The following VLDLR variants were observed in gnomAD, a reference collection of about 807,000 sequenced individuals.
VLDLR encodes very low density lipoprotein receptor.
VLDLR carries 81 observed loss-of-function variants against 112.7 expected under a neutral mutation model. The ratio of observed to expected loss-of-function variants is 0.72; its 90% CI spans 0.60 to 0.86. VLDLR has a LOEUF of 0.86. VLDLR is among the 40% of genes least tolerant of loss of function. The pLI, the probability that VLDLR is intolerant of heterozygous loss-of-function variation, is 0.00. For synonymous variants in VLDLR, 436 were observed against 384.8 expected, an observed-to-expected ratio of 1.13 and a Z score of -1.56; for missense variants, 1,237 against 1,099.4, an observed-to-expected ratio of 1.13 and a Z score of -1.77.
At chr9:2,622,300 G>C in intron 1 of VLDLR, 29 bp downstream of exon 1, 1 of 1,446,166 alleles carries the variant, frequency 6.9e-7, no homozygotes, top group Non-Finnish European at 9.1e-7. Context: ...CTCCGCCGGC[G>C]GGCGGGACCC....
At position 2,623,531 on chromosome 9, in the gene VLDLR, G is replaced by A. The variant is rs1816937647; in HGVS notation, c.82+1260G>A. Among the ~76,000 whole-genome samples, 15 of 152,386 alleles carry A rather than the reference G, an allele frequency of 9.8e-5. No individual in the cohort carries two copies. The South Asian group carries it at 3.1e-3, about 32-fold the overall frequency. On this transcript the variant is annotated intron_variant, in intron 1 of 18. Transcript: ENST00000382100. ...AGCGAACTTTAAAGCATGTGGTCAAGGAGCCTGTCGGGCAGCGCCTGGGGT... is the reference window on the plus strand; with the variant it reads ...AGCGAACTTTAAAGCATGTGGTCAAAGAGCCTGTCGGGCAGCGCCTGGGGT...
chr9:2,650,422 C>G lies in VLDLR; in HGVS notation c.2157C>G (p.Cys719Trp), dbSNP rs138593492. 2 of 1,613,898 alleles carry G rather than the reference C, an allele frequency of 1.2e-6. No individual in the cohort carries two copies. Among genetic ancestry groups the G allele is most frequent in the Non-Finnish European group, 1.7e-6 (2 of 1,180,010 alleles). ...AGAATGGAGGATGTGAATACCTATG[C>G]CTGCCAGCACCACAGATTAATGATC... ...DMENGGCEYLCLPAPQINDHS... is the reference protein window; with the variant it reads ...DMENGGCEYLWLPAPQINDHS... Residue 719 changes from cysteine to tryptophan, a missense_variant, in exon 15 of 19, where the codon TGC becomes TGG. Physicochemically the swap from Cys to Trp is radical, Grantham distance 215. Coordinates refer to ENST00000382100, the MANE Select transcript of VLDLR (RefSeq NM_003383.5).
intron 1 of VLDLR, among the ~76,000 whole-genome samples, chr9:2,632,132 T>C (rs1817375959): frequency 6.6e-6 from 1 of 152,184 alleles, no homozygotes; most frequent in South Asian, 2.1e-4. Context: ...AGCAGAGATA[T>C]TCTAAGGATT....
At chr9:2,633,493 T>C (rs1817460971) in intron 1 of VLDLR, among the ~76,000 whole-genome samples, 1 of 152,158 alleles carries the variant, frequency 6.6e-6, no homozygotes, top group Non-Finnish European at 1.5e-5. Flanking sequence ...AAACTATCAA[T>C]TGACATTGAC....
chr9:2,641,129 C>T (rs2130787536), intron 3 of VLDLR, among the ~76,000 whole-genome samples: 2 of 152,352 alleles, frequency 1.3e-5, no homozygotes, highest in South Asian at 2.1e-4. Context: ...CAGAACTGAG[C>T]ACGCCATGGG....
chr9:2,623,830 G>C (rs1315109058), intron 1 of VLDLR, among the ~76,000 whole-genome samples: 1 of 152,174 alleles, frequency 6.6e-6, no homozygotes, highest in African/African-American at 2.4e-5. Context: ...GGAATCTGAT[G>C]TGTAACAAGC....
chr9:2,634,343 G>A (rs1215819970), intron 1 of VLDLR, among the ~76,000 whole-genome samples: 1 of 152,214 alleles, frequency 6.6e-6, no homozygotes, highest in African/African-American at 2.4e-5. Flanking sequence ...AAAGGTGGCA[G>A]GAAATCGGAA....
Position 2,652,775 on chromosome 9 carries a change from T to G in VLDLR, c.2417-5T>G. Reference sequence around the variant, plus strand: ...CTCACTTAGCTACCCTCTGATTTTTTTCAGTGCTCTTAGTGATGGCAGCAG... The same window carrying G: ...CTCACTTAGCTACCCTCTGATTTTTGTCAGTGCTCTTAGTGATGGCAGCAG... On this transcript the variant is annotated splice_polypyrimidine_tract_variant and splice_region_variant and intron_variant, in intron 17 of 18. Transcript: ENST00000382100. 2 of 1,614,144 alleles carry G rather than the reference T, an allele frequency of 1.2e-6. No homozygotes were observed. The highest frequency in any genetic ancestry group is 1.7e-6 in the Non-Finnish European group (2 of 1,179,986).
intron 9 of VLDLR, 152 bp from the exon 10 acceptor site, chr9:2,645,422 C>CT (rs1818024647): frequency 1.0e-6 from 1 of 972,906 alleles, no homozygotes. Context: ...GAAGCACTTG[C>CT]AGGTCCCAGG....
chr9:2,643,799 C>A, intron 6 of VLDLR, 38 bp from the exon 7 acceptor site: 1 of 1,614,108 alleles, frequency 6.2e-7, no homozygotes, highest in South Asian at 1.1e-5. Flanking sequence ...CTGACCAGAC[C>A]CACTCATGGA....
chr9:2,624,530 G>A (rs1423008620), intron 1 of VLDLR, among the ~76,000 whole-genome samples: 1 of 152,208 alleles, frequency 6.6e-6, no homozygotes, highest in Admixed American at 6.5e-5. Context: ...TTCAGCCTAA[G>A]TAGTCAAGAT....
chr9:2,635,449 C>G lies in VLDLR; in HGVS notation c.83-4C>G, dbSNP rs1817558352. ...CTTTACCGAATGTTCCCTTCTTATT[C>G]TAGGGAGAAAAGCCAAATGTGAACC... is the stretch of plus-strand genomic sequence containing the variant. On this transcript the variant is annotated splice_polypyrimidine_tract_variant and splice_region_variant and intron_variant, in intron 1 of 18. Transcript: ENST00000382100. 1 of 1,613,928 alleles carries G rather than the reference C, an allele frequency of 6.2e-7. No individual in the cohort carries two copies. Among genetic ancestry groups the G allele is most frequent in the Non-Finnish European group, 8.5e-7 (1 of 1,179,884 alleles).
intron 14 of VLDLR, among the ~76,000 whole-genome samples, chr9:2,649,426 C>T (rs142370471): frequency 5.6e-4 from 86 of 152,252 alleles, no homozygotes; most frequent in African/African-American, 2.1e-3. Context: ...GACTCTTGCT[C>T]TGTCACCCAG....
At position 2,643,359 on chromosome 9, in the gene VLDLR, A is replaced by G. The variant is rs1449937410; in HGVS notation, c.648A>G (p.Ala216=). ...TCAGCTGGGTATGCGACGATGATGCAGACTGCTCCGACCAATCTGATGAGT... is the reference window on the plus strand; with the variant it reads ...TCAGCTGGGTATGCGACGATGATGCGGACTGCTCCGACCAATCTGATGAGT... ...IPISWVCDDD[A]DCSDQSDESL... is the part of the protein sequence containing the mutation. Residue 216 remains alanine (A), a synonymous_variant, in exon 5 of 19, where the codon GCA becomes GCG. Coordinates refer to ENST00000382100, the MANE Select transcript of VLDLR (RefSeq NM_003383.5). The G allele has an allele frequency of 1.9e-6, 3 of 1,614,040 alleles. No homozygotes were observed. The highest frequency in any genetic ancestry group is 1.7e-6 in the Non-Finnish European group (2 of 1,180,032).
Position 2,646,327 on chromosome 9 carries a change from G to A in VLDLR, c.1485-7G>A, listed in dbSNP as rs1480694939. On this transcript the variant is annotated splice_region_variant and splice_polypyrimidine_tract_variant and intron_variant, in intron 10 of 18. Coordinates refer to ENST00000382100, the MANE Select transcript of VLDLR (RefSeq NM_003383.5). ...TCTTAAATTTCTTGTGACCTATTCTGTTTCAGTGCCTCAATTGATGACAAG... is the reference window on the plus strand; with the variant it reads ...TCTTAAATTTCTTGTGACCTATTCTATTTCAGTGCCTCAATTGATGACAAG... The A allele has an allele frequency of 1.6e-5, 26 of 1,613,824 alleles. No homozygotes were observed. Among genetic ancestry groups the A allele is most frequent in the Non-Finnish European group, 2.0e-5 (24 of 1,179,862 alleles).
At chr9:2,632,347 C>T (rs143015411) in intron 1 of VLDLR, among the ~76,000 whole-genome samples, 1 of 152,322 alleles carries the variant, frequency 6.6e-6, no homozygotes, top group East Asian at 1.9e-4. Flanking sequence ...AACCCACTAA[C>T]AATTGCATTT....
intron 1 of VLDLR, among the ~76,000 whole-genome samples, chr9:2,631,054 C>T (rs940691221): frequency 6.6e-6 from 1 of 152,070 alleles, no homozygotes; most frequent in African/African-American, 2.4e-5. Flanking sequence ...CCAACAGATA[C>T]ATGAAAAAAT....
intron 1 of VLDLR, among the ~76,000 whole-genome samples, chr9:2,627,789 C>T (rs1016308239): frequency 4.6e-5 from 7 of 150,790 alleles, no homozygotes; most frequent in East Asian, 3.9e-4. Context: ...CGCTTGAACC[C>T]GGGTGGCAGA....
intron 13 of VLDLR, 52 bp from the exon 14 acceptor site, chr9:2,648,617 T>A: frequency 6.2e-7 from 1 of 1,613,728 alleles, no homozygotes; most frequent in East Asian, 2.2e-5. Flanking sequence ...ACCTTAGAAA[T>A]GGACTTGTGT....
Sources: gnomAD v4.1 joint callset for allele counts (sites outside exome capture counted in the v4.1 genomes callset) on GRCh38, gnomAD v4.1.1 for gene constraint, MANE v1.5 for transcripts, NCBI Gene and HGNC (gene_info 2026-07-23, HGNC 2026-07-21) for gene names.